Variants in PPP1R12A observed in about 807,000 individuals in gnomAD.
The protein encoded by PPP1R12A is myosin binding subunit.
Under a neutral mutation model 139.6 loss-of-function variants are expected in PPP1R12A, and 19 were observed. The ratio of observed to expected loss-of-function variants is 0.14; its 90% CI spans 0.09 to 0.20. The LOEUF (loss-of-function observed/expected upper bound fraction) is 0.20, where lower values mean the gene tolerates loss of function less well. PPP1R12A is among the 10% of genes least tolerant of loss of function. The probability of loss-of-function intolerance (pLI) is 1.00; values close to 1 mark genes in which losing one functional copy is unlikely to be tolerated. For synonymous variants in PPP1R12A, 427 were observed against 420.6 expected, an observed-to-expected ratio of 1.02 and a Z score of -0.19; for missense variants, 925 against 1,211.5, an observed-to-expected ratio of 0.76 and a Z score of 3.51.
chr12:79,843,770 C>A (rs1298486759), intron 3 of PPP1R12A, among the ~76,000 whole-genome samples: 1 of 150,764 alleles, frequency 6.6e-6, no homozygotes, highest in Non-Finnish European at 1.5e-5. Flanking sequence ...GTGGTGCAAT[C>A]TCAGCTCACT....
intron 1 of PPP1R12A, among the ~76,000 whole-genome samples, chr12:79,928,457 T>C (rs564998832): frequency 6.6e-6 from 1 of 152,220 alleles, no homozygotes; most frequent in Non-Finnish European, 1.5e-5. Flanking sequence ...TTTGTTTGTT[T>C]AGGTAGGTTT....
chr12:79,852,983 C>A (rs530190627), intron 2 of PPP1R12A, among the ~76,000 whole-genome samples: 2 of 152,272 alleles, frequency 1.3e-5, no homozygotes, highest in East Asian at 3.9e-4. Context: ...AGTAACACTA[C>A]AAGTTGGGGA....
intron 9 of PPP1R12A, among the ~76,000 whole-genome samples, chr12:79,813,598 A>G (rs775897722): frequency 1.3e-5 from 2 of 152,324 alleles, no homozygotes; most frequent in East Asian, 1.9e-4. Context: ...AAGAATAGAT[A>G]ATCTGCTTTA....
At chr12:79,844,518 C>A (rs974797810) in intron 3 of PPP1R12A, among the ~76,000 whole-genome samples, 2 of 152,192 alleles carry the variant, frequency 1.3e-5, no homozygotes, top group African/African-American at 4.8e-5. Flanking sequence ...CTCATCACTT[C>A]ATCTACTACC....
rs758881407 is a variant in PPP1R12A at position 79,934,968 on chromosome 12, G to T, written c.-37C>A. ...CCGCCGGGTCTTCTTATCGCGAGGG[G>T]GGGAAGGGGGAGGCGGAGAGGGAAG... is the stretch of plus-strand genomic sequence containing the variant. On this transcript the variant is annotated 5_prime_UTR_variant, in exon 1 of 25. Coordinates refer to ENST00000450142, the MANE Select transcript of PPP1R12A (RefSeq NM_002480.3). The T allele has an allele frequency of 7.1e-6, 11 of 1,547,108 alleles. No individual in the cohort carries two copies. Among genetic ancestry groups the T allele is most frequent in the African/African-American group, 2.7e-5 (2 of 73,458 alleles).
At chr12:79,804,653 A>AG (rs973760754) in intron 14 of PPP1R12A, among the ~76,000 whole-genome samples, 14 of 152,100 alleles carry the variant, frequency 9.2e-5, no homozygotes, top group South Asian at 4.1e-4. Context: ...AGTAAAAAAA[A>AG]AAATTAGTTA....
intron 1 of PPP1R12A, among the ~76,000 whole-genome samples, chr12:79,927,014 C>T (rs1298914316): frequency 2.2e-5 from 3 of 134,548 alleles, no homozygotes; most frequent in East Asian, 4.3e-4. Context: ...TTGGGCAACA[C>T]GGGGAGACTC....
At chr12:79,776,697 A>T (rs1383064251) in intron 24 of PPP1R12A, among the ~76,000 whole-genome samples, 1 of 152,178 alleles carries the variant, frequency 6.6e-6, no homozygotes, top group Non-Finnish European at 1.5e-5. Context: ...ATCTTCAAAC[A>T]ACACATCTCA....
At chr12:79,930,579 T>A (rs1220528685) in intron 1 of PPP1R12A, among the ~76,000 whole-genome samples, 1 of 151,914 alleles carries the variant, frequency 6.6e-6, no homozygotes. Flanking sequence ...TCGAGACCAG[T>A]CTGATCAACA....
chr12:79,873,401 A>G (rs1361704572), intron 1 of PPP1R12A, among the ~76,000 whole-genome samples: 2 of 152,048 alleles, frequency 1.3e-5, no homozygotes, highest in Non-Finnish European at 2.9e-5. Flanking sequence ...TACCAGCTGT[A>G]AAACTGCATG....
In PPP1R12A at chr12:79,820,849, C is replaced by T. The variant is rs1181739922; in HGVS notation, c.1039G>A (p.Glu347Lys). ...LEQEKVDEEEEGKKDESSCSS... is the reference protein window; with the variant it reads ...LEQEKVDEEEKGKKDESSCSS... ...CAGCTAGACTCATCCTTCTTTCCTT[C>T]TTCTTCTTCATCAACCTTTTCTTGT... The change falls in exon 8 of 25, where the codon GAA becomes AAA. Residue 347 changes from glutamate (E) to lysine (K), a missense_variant. Around this residue, in one of 4 missense-constraint regions of PPP1R12A, gnomAD observed 403 missense variants for 463.7 expected, o/e 0.87. Coordinates refer to ENST00000450142, the MANE Select transcript of PPP1R12A (RefSeq NM_002480.3). The T allele has an allele frequency of 6.2e-7, 1 of 1,613,458 alleles. No individual in the cohort carries two copies. Among genetic ancestry groups the T allele is most frequent in the Admixed American group, 1.7e-5 (1 of 59,998 alleles).
chr12:79,911,068 T>C (rs897997378), intron 1 of PPP1R12A, among the ~76,000 whole-genome samples: 1 of 152,162 alleles, frequency 6.6e-6, no homozygotes, highest in Non-Finnish European at 1.5e-5. Flanking sequence ...AGCCATGTCC[T>C]AACCTATTTA....
chr12:79,915,057 T>C (rs1211344335), intron 1 of PPP1R12A, among the ~76,000 whole-genome samples: 1 of 152,068 alleles, frequency 6.6e-6, no homozygotes, highest in African/African-American at 2.4e-5. Flanking sequence ...ATGCACAAAA[T>C]CCTTCTACCA....
chr12:79,801,773 A>G (rs1439406128), intron 14 of PPP1R12A, among the ~76,000 whole-genome samples: 1 of 152,170 alleles, frequency 6.6e-6, no homozygotes. Context: ...AGTTGCCTCA[A>G]TTTCATCAAT....
At chr12:79,828,505 GAAAT>G in intron 4 of PPP1R12A, 41 bp from the exon 5 acceptor site, 1 of 1,415,398 alleles carries the variant, frequency 7.1e-7, no homozygotes, top group Non-Finnish European at 9.6e-7. Context: ...TTAAAATCTA[GAAAT>G]AAATGATCAT....
intron 2 of PPP1R12A, among the ~76,000 whole-genome samples, chr12:79,858,007 C>T (rs190770210): frequency 1.3e-5 from 2 of 152,196 alleles, no homozygotes; most frequent in East Asian, 3.9e-4. Flanking sequence ...GATATAAATA[C>T]CCCAAATAAA....
At chr12:79,894,497 C>G (rs1030941740) in intron 1 of PPP1R12A, among the ~76,000 whole-genome samples, 2 of 152,034 alleles carry the variant, frequency 1.3e-5, no homozygotes, top group Admixed American at 6.5e-5. Context: ...TCTTAAAATA[C>G]ACACACACAG....
At chr12:79,894,455 A>G (rs956913472) in intron 1 of PPP1R12A, among the ~76,000 whole-genome samples, 6 of 152,296 alleles carry the variant, frequency 3.9e-5, no homozygotes, top group African/African-American at 1.4e-4. Flanking sequence ...TCCCATGGAT[A>G]GAAAGATCAA....
chr12:79,905,562 G>A (rs1886037601), intron 1 of PPP1R12A, among the ~76,000 whole-genome samples: 2 of 152,156 alleles, frequency 1.3e-5, no homozygotes, highest in African/African-American at 4.8e-5. Context: ...AAGGCAGGAT[G>A]CTGCAGATAC....
Sources: allele counts gnomAD v4.1 joint callset (sites outside exome capture counted in the v4.1 genomes callset), GRCh38; gene constraint gnomAD v4.1.1; regional missense constraint gnomAD v4.1.1; transcripts MANE v1.5; gene names NCBI Gene and HGNC (gene_info 2026-07-23, HGNC 2026-07-21).